Variants in CDH23 observed in about 807,000 individuals in gnomAD.
CDH23 encodes the protein cadherin related 23.
In CDH23, 189 loss-of-function variants were observed where a neutral mutation model predicts 317.1. The ratio of observed to expected loss-of-function variants is 0.60; its 90% CI spans 0.53 to 0.67. CDH23 has a LOEUF of 0.67. Ranked by LOEUF, CDH23 falls within the 30% of genes least tolerant of loss-of-function variation. CDH23 has a pLI of 0.00. For missense variants in CDH23, 4,401 were observed against 4,592.4 expected (o/e 0.96, Z 1.20); for synonymous variants, 1,839 against 1,876.8 (o/e 0.98, Z 0.52).
rs760093031 is a variant in CDH23, at chr10:71,730,499, G to A, written c.3610G>A (p.Glu1204Lys). 5.0e-6 allele frequency: 8 copies of A among 1,613,930 alleles called. No homozygotes were observed. The highest frequency in any genetic ancestry group is 6.8e-6 in the Non-Finnish European group (8 of 1,179,874). Residue 1204 changes from glutamate (E) to lysine (K), a missense_variant, in exon 31 of 70, where the codon GAG (glutamate) becomes AAG (lysine). By Grantham distance (56) the Glu-to-Lys change is moderately conservative. Coordinates refer to ENST00000224721, the MANE Select transcript of CDH23 (RefSeq NM_022124.6). ...TGTGTACGTGGAGGACATCAACGAT[G>A]AGGCCCCCGTGTTCACACAGCAGCA... ...VIVYVEDIND[E>K]APVFTQQQYS...
At chr10:71,534,831 AGGCTTGT>A (rs1564637964) in intron 6 of CDH23, among the ~76,000 whole-genome samples, 2 of 148,242 alleles carry the variant, frequency 1.3e-5, no homozygotes, top group Admixed American at 1.3e-4. Flanking sequence ...CCAAGAAGCA[AGGCTTGT>A]GGGGATCTGT....
At chr10:71,496,208 A>G (rs1307854217) in intron 3 of CDH23, among the ~76,000 whole-genome samples, 1 of 152,254 alleles carries the variant, frequency 6.6e-6, no homozygotes. Context: ...CCTTATTTTT[A>G]GAAGCTCTCC....
intron 19 of CDH23, 62 bp from the exon 20 acceptor site, chr10:71,690,406 G>A: frequency 1.6e-6 from 2 of 1,259,700 alleles, no homozygotes; most frequent in Non-Finnish European, 2.2e-6. Context: ...CAGGGCTGGG[G>A]CCTTGAAGCC....
At chr10:71,809,499 A>T (rs2132994758) in intron 60 of CDH23, among the ~76,000 whole-genome samples, 1 of 152,262 alleles carries the variant, frequency 6.6e-6, no homozygotes, top group East Asian at 1.9e-4. Flanking sequence ...ATTCTGAGGT[A>T]CATGTGTTTG....
At chr10:71,722,957 C>T (rs949886521) in intron 28 of CDH23, among the ~76,000 whole-genome samples, 3 of 152,188 alleles carry the variant, frequency 2.0e-5, no homozygotes, top group Middle Eastern at 3.2e-3. Flanking sequence ...GACTCAATCT[C>T]TCTGGGCCCA....
chr10:71,577,840 G>A, intron 8 of CDH23, 74 bp from the exon 9 acceptor site: 1 of 1,287,572 alleles, frequency 7.8e-7, no homozygotes, highest in Non-Finnish European at 1.1e-6. Flanking sequence ...GGGAAGCTGT[G>A]GGTGCCATGA....
intron 11 of CDH23, among the ~76,000 whole-genome samples, chr10:71,624,391 CT>C (rs1295339904): frequency 1.3e-5 from 2 of 152,196 alleles, no homozygotes; most frequent in African/African-American, 4.8e-5. Flanking sequence ...GGTTTTCGTA[CT>C]TTTGATCTGT....
chr10:71,767,780 C>T (rs10999990), intron 38 of CDH23, among the ~76,000 whole-genome samples: 4,926 of 152,302 alleles, frequency 0.032, 101 homozygotes, highest in Middle Eastern at 0.099. Context: ...TACCTGCCCC[C>T]GCAGGAAGTG....
chr10:71,434,092 C>G (rs2131989808), intron 1 of CDH23, among the ~76,000 whole-genome samples: 1 of 152,214 alleles, frequency 6.6e-6, no homozygotes, highest in East Asian at 1.9e-4. Context: ...TCATGCTCCT[C>G]AAGCGCACTA....
chr10:71,689,113 G>A (rs112789127), intron 19 of CDH23, among the ~76,000 whole-genome samples: 79 of 60,992 alleles, frequency 1.3e-3, no homozygotes, highest in Non-Finnish European at 1.6e-3. Flanking sequence ...GGAGTCAGGG[G>A]TGGTGGAGCC....
chr10:71,449,497 C>T (rs988081440), intron 3 of CDH23, among the ~76,000 whole-genome samples: 1 of 151,952 alleles, frequency 6.6e-6, no homozygotes, highest in Non-Finnish European at 1.5e-5. Context: ...ATTGCTGGAG[C>T]CTCATAGATT....
chr10:71,571,604 G>A (rs574295371), intron 8 of CDH23, among the ~76,000 whole-genome samples: 47 of 152,346 alleles, frequency 3.1e-4, no homozygotes, highest in Middle Eastern at 3.4e-3. Flanking sequence ...TGGGCCAGAC[G>A]GGCAACGGCA....
chr10:71,547,640 C>T (rs536713458), intron 6 of CDH23, among the ~76,000 whole-genome samples: 4 of 152,264 alleles, frequency 2.6e-5, no homozygotes, highest in South Asian at 2.1e-4. Context: ...AGCCGGTCCC[C>T]GCAGGGGTGG....
chr10:71,549,261 A>G (rs1856453640), intron 6 of CDH23, among the ~76,000 whole-genome samples: 1 of 152,246 alleles, frequency 6.6e-6, no homozygotes, highest in Non-Finnish European at 1.5e-5. Context: ...GCTGGAAAGA[A>G]CTGGATTTGG....
chr10:71,647,053 C>T (rs1862929515), intron 14 of CDH23: 2 of 985,438 alleles, frequency 2.0e-6, no homozygotes, highest in Non-Finnish European at 2.4e-6. Flanking sequence ...TGGACTTGCC[C>T]TTTGACAAGG....
intron 28 of CDH23, among the ~76,000 whole-genome samples, chr10:71,720,571 C>T (rs1002236665): frequency 1.3e-5 from 2 of 152,212 alleles, no homozygotes; most frequent in Non-Finnish European, 2.9e-5. Context: ...CCCAGAAATG[C>T]AACTCAAGAC....
chr10:71,589,064 G>T (rs181655826), intron 9 of CDH23, among the ~76,000 whole-genome samples: 1 of 152,286 alleles, frequency 6.6e-6, no homozygotes, highest in African/African-American at 2.4e-5. Context: ...GGCCAGGAAA[G>T]GCCATGAGGA....
intron 20 of CDH23, among the ~76,000 whole-genome samples, chr10:71,692,649 C>G (rs533847722): frequency 6.6e-6 from 1 of 152,352 alleles, no homozygotes; most frequent in East Asian, 1.9e-4. Flanking sequence ...CCCCCAGCTC[C>G]CTGCTCAGCC....
Position 71,732,201 on chromosome 10 carries a change from C to T in CDH23, c.3930C>T (p.Ala1310=), listed in dbSNP as rs755105731. The part of the protein sequence containing the change: ...YITLLNELDE[A]VQFSNASYEA... ...CTCTGCTCAACGAGCTGGACGAGGC[C>T]GTGCAGTTCTCCAATGCCTCATACG... is the stretch of plus-strand genomic sequence containing the variant. Residue 1310 remains alanine (A), a synonymous_variant, in exon 32 of 70, where the codon GCC becomes GCT. Coordinates refer to ENST00000224721, the MANE Select transcript of CDH23 (RefSeq NM_022124.6). The T allele has an allele frequency of 6.2e-6, 10 of 1,613,700 alleles. No individual in the cohort carries two copies. Among genetic ancestry groups the T allele is most frequent in the African/African-American group, 4.0e-5 (3 of 74,904 alleles).
Sources: allele counts gnomAD v4.1 joint callset (sites outside exome capture counted in the v4.1 genomes callset), GRCh38; gene constraint gnomAD v4.1.1; transcripts MANE v1.5; gene names NCBI Gene and HGNC (gene_info 2026-07-23, HGNC 2026-07-21).